NEK1: variants seen among roughly 807,000 people sequenced by gnomAD.
The protein encoded by NEK1 is serine/threonine-protein kinase Nek1.
A neutral mutation model predicts 182.1 loss-of-function variants in NEK1; 137 were observed. That is an observed-to-expected ratio of 0.75 (90% confidence interval 0.65 to 0.87). NEK1 has a LOEUF of 0.87. Ranked by LOEUF, NEK1 falls within the 40% of genes least tolerant of loss-of-function variation. NEK1 has a pLI of 0.00. For synonymous variants in NEK1, 513 were observed against 492.2 expected, an observed-to-expected ratio of 1.04 and a Z score of -0.56; for missense variants, 1,391 against 1,494.4, an observed-to-expected ratio of 0.93 and a Z score of 1.14.
chr4:169,455,119 C>T (rs1198822790), intron 27 of NEK1, among the ~76,000 whole-genome samples: 4 of 152,102 alleles, frequency 2.6e-5, no homozygotes, highest in Non-Finnish European at 4.4e-5. Context: ...TAGGTGGGAA[C>T]TGAACAATGA....
At chr4:169,422,713 C>T (rs1735694792) in intron 31 of NEK1, among the ~76,000 whole-genome samples, 1 of 152,162 alleles carries the variant, frequency 6.6e-6, no homozygotes, top group Non-Finnish European at 1.5e-5. Context: ...ATGAAATCTG[C>T]ATTGCTGCTT....
At chr4:169,506,476 C>G (rs548833852) in intron 23 of NEK1, among the ~76,000 whole-genome samples, 1 of 151,960 alleles carries the variant, frequency 6.6e-6, no homozygotes, top group Admixed American at 6.6e-5. Context: ...AAGTAAGGGC[C>G]GGGCGTGGTG....
chr4:169,516,416 T>A (rs1361502526), intron 19 of NEK1, among the ~76,000 whole-genome samples: 1 of 121,326 alleles, frequency 8.2e-6, no homozygotes, highest in Admixed American at 7.8e-5. Context: ...CTTTGTCAGA[T>A]GAGTAGGTTG....
intron 29 of NEK1, among the ~76,000 whole-genome samples, chr4:169,427,264 C>A (rs1199713158): frequency 6.6e-6 from 1 of 151,288 alleles, no homozygotes; most frequent in African/African-American, 2.4e-5. Flanking sequence ...GTAGCTGGGA[C>A]TACAGGAGCC....
intron 5 of NEK1, 34 bp downstream of exon 5, chr4:169,599,066 A>G (rs762779827): frequency 1.9e-5 from 29 of 1,508,324 alleles, no homozygotes; most frequent in Non-Finnish European, 2.6e-5. Context: ...TCTCAATAAT[A>G]GAGTAAGAGT....
intron 31 of NEK1, among the ~76,000 whole-genome samples, chr4:169,412,598 C>G (rs1215312613): frequency 6.6e-6 from 1 of 152,124 alleles, no homozygotes; most frequent in Non-Finnish European, 1.5e-5. Context: ...TACAAAGCAA[C>G]CACATGTAAA....
chr4:169,493,851 A>T (rs1431375908), intron 23 of NEK1, among the ~76,000 whole-genome samples: 1 of 152,230 alleles, frequency 6.6e-6, no homozygotes, highest in Admixed American at 6.5e-5. Flanking sequence ...GAAAGTAAGG[A>T]AACTGGAAAA....
intron 2 of NEK1, among the ~76,000 whole-genome samples, chr4:169,605,776 T>C (rs371961996): frequency 2.0e-4 from 30 of 152,186 alleles, no homozygotes; most frequent in Non-Finnish European, 3.4e-4. Flanking sequence ...ACTCACTCTA[T>C]AGTGTTCTTA....
At chr4:169,497,168 C>T (rs543534969) in intron 23 of NEK1, among the ~76,000 whole-genome samples, 1 of 152,302 alleles carries the variant, frequency 6.6e-6, no homozygotes, top group East Asian at 1.9e-4. Context: ...TCCATTTCTT[C>T]TAGATTTTCT....
intron 31 of NEK1, among the ~76,000 whole-genome samples, chr4:169,408,994 G>A (rs1326508132): frequency 6.6e-6 from 1 of 152,110 alleles, no homozygotes; most frequent in African/African-American, 2.4e-5. Flanking sequence ...ACCCAGTGGT[G>A]GGATTGCTGG....
chr4:169,583,367 A>G (rs1561459834), intron 10 of NEK1, among the ~76,000 whole-genome samples: 1 of 152,224 alleles, frequency 6.6e-6, no homozygotes. Flanking sequence ...TCTTTAAACA[A>G]CAAGCGATAT....
chr4:169,486,272 G>A (rs1015681610), intron 23 of NEK1, among the ~76,000 whole-genome samples: 3 of 151,540 alleles, frequency 2.0e-5, no homozygotes, highest in Non-Finnish European at 4.4e-5. Flanking sequence ...TTCAATTATC[G>A]CTGTAAAACT....
chr4:169,437,771 G>A (rs547568789), intron 28 of NEK1, among the ~76,000 whole-genome samples: 14 of 152,204 alleles, frequency 9.2e-5, no homozygotes, highest in Non-Finnish European at 1.8e-4. Flanking sequence ...CCTAGCTGCC[G>A]GCTGACCAAC....
Position 169,585,495 on chromosome 4 carries a change from G to A in NEK1, c.661C>T (p.Pro221Ser), listed in dbSNP as rs756050323. The A allele has an allele frequency of 6.2e-7, 1 of 1,613,568 alleles. No homozygotes were observed. The highest frequency in any genetic ancestry group is 8.5e-7 in the Non-Finnish European group (1 of 1,179,650). The change falls in exon 10 of 36, where the codon CCA becomes TCA. Residue 221 changes from proline (P) to serine (S), a missense_variant. Physicochemically the swap from Pro to Ser is moderately conservative, Grantham distance 74 (BLOSUM62 -1). Transcript: ENST00000507142. ...TAGGAATAATGCAAAGACACAGGTG[G>A]AAAAGATCCAGATATTATCTTCAGT... ...LVLKIISGSF[P>S]PVSLHYSYDL...
chr4:169,442,034 C>T (rs534232328), intron 27 of NEK1, among the ~76,000 whole-genome samples: 1 of 152,150 alleles, frequency 6.6e-6, no homozygotes, highest in Non-Finnish European at 1.5e-5. Context: ...AGTTCACCAC[C>T]ACCACTGCTG....
intron 27 of NEK1, among the ~76,000 whole-genome samples, chr4:169,445,512 G>C (rs1740333272): frequency 6.6e-6 from 1 of 152,048 alleles, no homozygotes; most frequent in South Asian, 2.1e-4. Context: ...TCCAAAATTA[G>C]TAAAAGCAGC....
At chr4:169,566,362 G>T (rs750392314) in intron 12 of NEK1, among the ~76,000 whole-genome samples, 2 of 152,082 alleles carry the variant, frequency 1.3e-5, no homozygotes, top group African/African-American at 4.8e-5. Context: ...GATCACACAG[G>T]TATTTTCAGA....
chr4:169,537,786 T>C lies in NEK1; in HGVS notation c.1665+23A>G, dbSNP rs1291244585. The C allele has an allele frequency of 1.7e-5, 27 of 1,575,298 alleles. No individual in the cohort carries two copies. In the East Asian group the frequency reaches 6.0e-4, roughly 35 times the overall value. On this transcript the variant is annotated intron_variant, in intron 19 of 35. Coordinates refer to ENST00000507142, the MANE Select transcript of NEK1 (RefSeq NM_001199397.3). ...TTGGAATACTAATACATTCAAAATCTCAGAAACAAACAAAATTCATACCAT... is the reference window on the plus strand; with the variant it reads ...TTGGAATACTAATACATTCAAAATCCCAGAAACAAACAAAATTCATACCAT...
At chr4:169,544,362 A>G (rs1054237697) in intron 18 of NEK1, among the ~76,000 whole-genome samples, 2 of 152,092 alleles carry the variant, frequency 1.3e-5, no homozygotes, top group South Asian at 2.1e-4. Context: ...TGCTGGACTC[A>G]GTTTGCCAGT....
Sources: gnomAD v4.1 joint callset for allele counts (sites outside exome capture counted in the v4.1 genomes callset) on GRCh38, gnomAD v4.1.1 for gene constraint, MANE v1.5 for transcripts, NCBI Gene and HGNC (gene_info 2026-07-23, HGNC 2026-07-21) for gene names.